The following SRBD1 variants were observed in gnomAD, a reference collection of about 807,000 sequenced individuals.
SRBD1 encodes the protein S1 RNA-binding domain-containing protein 1.
A neutral mutation model predicts 115.3 loss-of-function variants in SRBD1; 88 were observed. The ratio of observed to expected loss-of-function variants is 0.76; its 90% confidence interval spans 0.64 to 0.91. The LOEUF (loss-of-function observed/expected upper bound fraction) is 0.91. Ranked by LOEUF, SRBD1 falls within the 40% of genes least tolerant of loss-of-function variation. SRBD1 has a pLI of 0.00. For synonymous variants in SRBD1, 509 were observed against 407.7 expected (o/e 1.25, Z -2.99); for missense variants, 1,385 against 1,177.4 (o/e 1.18, Z -2.58).
At chr2:45,390,207 C>T (rs1022257716) in intron 20 of SRBD1, among the ~76,000 whole-genome samples, 1 of 152,144 alleles carries the variant, frequency 6.6e-6, no homozygotes, top group Non-Finnish European at 1.5e-5. Context: ...GAATCCCAGA[C>T]CAGGTAGTAT....
chr2:45,521,316 C>CAA (rs1162110899), intron 14 of SRBD1, among the ~76,000 whole-genome samples: 1 of 148,174 alleles, frequency 6.7e-6, no homozygotes, highest in African/African-American at 2.6e-5. Flanking sequence ...CACACACACA[C>CAA]ACAAACCAAA....
chr2:45,389,589 T>C lies in SRBD1; in HGVS notation c.2709A>G (p.Lys903=). The change falls in exon 21 of 21, where the codon AAA becomes AAG. Residue 903 remains lysine (K), a synonymous_variant. Transcript: ENST00000263736. Reference sequence around the variant, plus strand: ...ATACTATGCTTCTCTTGAAATCAGGTTTATCAAAATCTGTAAGAGAAAAAA... The same window carrying C: ...ATACTATGCTTCTCTTGAAATCAGGCTTATCAAAATCTGTAAGAGAAAAAA... ...ESFDFRTDFD[K]PDFKRSIVCL... is the part of the protein sequence containing the mutation. The C allele has an allele frequency of 6.2e-7, 1 of 1,611,954 alleles. No individual in the cohort carries two copies. The highest frequency in any genetic ancestry group is 8.5e-7 in the Non-Finnish European group (1 of 1,179,088).
chr2:45,469,033 T>C lies in SRBD1; in HGVS notation c.2049+7960A>G, dbSNP rs115654959. On this transcript the variant is annotated intron_variant, in intron 16 of 20. Coordinates refer to ENST00000263736, the MANE Select transcript of SRBD1 (RefSeq NM_018079.5). ...TCCTCTTCTGTGAACTGCCTGTTCA[T>C]AGCCTTTGCCTGTTTTTCTCTGGAA... is the stretch of plus-strand genomic sequence containing the variant. Among the ~76,000 whole-genome samples, 590 of 152,324 alleles carry C rather than the reference T, an allele frequency of 3.9e-3. 11 individuals are homozygous for C. The highest frequency in any genetic ancestry group is 0.013 in the African/African-American group (555 of 41,582).
intron 9 of SRBD1, among the ~76,000 whole-genome samples, chr2:45,566,534 T>C (rs1379494337): frequency 2.0e-5 from 3 of 152,326 alleles, no homozygotes; most frequent in Non-Finnish European, 4.4e-5. Flanking sequence ...GTTGGCTGCC[T>C]AGAGCTTGAT....
At chr2:45,410,309 C>T (rs1015883227) in intron 19 of SRBD1, among the ~76,000 whole-genome samples, 1 of 152,084 alleles carries the variant, frequency 6.6e-6, no homozygotes, top group Non-Finnish European at 1.5e-5. Context: ...TGAAATGGTA[C>T]GACCAGAGGA....
At chr2:45,479,721 TAG>T (rs926413549) in intron 15 of SRBD1, among the ~76,000 whole-genome samples, 7 of 152,200 alleles carry the variant, frequency 4.6e-5, no homozygotes, top group Non-Finnish European at 8.8e-5. Flanking sequence ...CCAGAAGATC[TAG>T]TTAAGATCAT....
At position 45,599,852 on chromosome 2, in the gene SRBD1, A is replaced by T. The variant is rs1168003678; in HGVS notation, c.262-17T>A. ...AGAGCTATTCTATCAAACCACAAAG[A>T]GAACATATGAGAATTAGAAGATAAA... On this transcript the variant is annotated splice_polypyrimidine_tract_variant and intron_variant, in intron 3 of 20. Coordinates refer to ENST00000263736, the MANE Select transcript of SRBD1 (RefSeq NM_018079.5). 1.9e-6 allele frequency: 3 copies of T among 1,582,014 alleles called. No individual in the cohort carries two copies. The South Asian group carries it at 3.5e-5, about 18-fold the overall frequency.
chr2:45,418,648 CTAAGT>C (rs1472147692), intron 17 of SRBD1, 107 bp from the exon 18 acceptor site: 5 of 854,706 alleles, frequency 5.8e-6, no homozygotes, highest in Middle Eastern at 4.7e-4. Context: ...CCTCATACGG[CTAAGT>C]TAAGTTAATC....
chr2:45,605,903 CAAAA>C (rs574003489), intron 1 of SRBD1, among the ~76,000 whole-genome samples: 1 of 63,872 alleles, frequency 1.6e-5, no homozygotes, highest in Non-Finnish European at 3.2e-5. Context: ...GACTCGGTCT[CAAAA>C]AAAAAAAAAA....
intron 14 of SRBD1, among the ~76,000 whole-genome samples, chr2:45,532,508 A>G (rs1161633745): frequency 6.6e-6 from 1 of 151,738 alleles, no homozygotes; most frequent in Non-Finnish European, 1.5e-5. Context: ...AAGCACCTCT[A>G]CCCACCAATC....
intron 19 of SRBD1, among the ~76,000 whole-genome samples, chr2:45,396,800 T>C (rs559283205): frequency 2.0e-5 from 3 of 152,230 alleles, no homozygotes; most frequent in Non-Finnish European, 4.4e-5. Flanking sequence ...ATTTCCAGCA[T>C]GGAGATTTAG....
At position 45,513,421 on chromosome 2, in the gene SRBD1, GA is replaced by G. The variant is rs10658092; in HGVS notation, c.1875-25091del. On this transcript the variant is annotated intron_variant, in intron 14 of 20. Transcript: ENST00000263736. ...CCTCTTCTCCAGAATGCCCCTTAAG[GA>G]AAAAAAAAAAACAACTGACCAGTTA... Among the ~76,000 whole-genome samples the G allele has an allele frequency of 3.8e-4, 55 of 145,320 alleles. No individual in the cohort carries two copies. The East Asian group carries it at 7.0e-3, about 18-fold the overall frequency.
Position 45,399,123 on chromosome 2 carries a change from T to G in SRBD1, c.2514-5994A>C, listed in dbSNP as rs550718205. ...CAGTATTATGCAGCCTGATCACCCT[T>G]TTCCTGTGAGTATGGTTGTTTCACA... On this transcript the variant is annotated intron_variant, in intron 19 of 20. Coordinates refer to ENST00000263736, the MANE Select transcript of SRBD1 (RefSeq NM_018079.5). 2.0e-5 allele frequency among the ~76,000 whole-genome samples: 3 copies of G among 152,190 alleles called. No homozygotes were observed. The South Asian group carries it at 6.2e-4, about 32-fold the overall frequency.
At chr2:45,435,044 T>C (rs905382319) in intron 16 of SRBD1, among the ~76,000 whole-genome samples, 3 of 152,064 alleles carry the variant, frequency 2.0e-5, no homozygotes, top group Non-Finnish European at 4.4e-5. Context: ...GTCCTTGCGA[T>C]AGGTTTGCTC....
rs967739825 is a variant in SRBD1, at chr2:45,404,462, T to A, written c.2513+8652A>T. On this transcript the variant is annotated intron_variant, in intron 19 of 20. Transcript: ENST00000263736. ...TCCAATACAGTGAGTTTCCACTTCA[T>A]CCTCCACAGTGTCTCTAGTATTCAT... is the stretch of plus-strand genomic sequence containing the variant. 5.3e-5 allele frequency among the ~76,000 whole-genome samples: 8 copies of A among 152,264 alleles called. No individual in the cohort carries two copies. In the East Asian group the frequency reaches 9.6e-4, roughly 18 times the overall value.
chr2:45,407,615 C>A (rs1449971544), intron 19 of SRBD1, among the ~76,000 whole-genome samples: 1 of 151,932 alleles, frequency 6.6e-6, no homozygotes, highest in Non-Finnish European at 1.5e-5. Context: ...AAGTCATCAC[C>A]AACAAAATTC....
At chr2:45,414,665 T>TAGTGTATATAGTATGTATATACACACAC (rs1558563151) in intron 18 of SRBD1, among the ~76,000 whole-genome samples, 50 of 149,226 alleles carry the variant, frequency 3.4e-4, no homozygotes, top group Non-Finnish European at 3.8e-4. Flanking sequence ...CATACACACA[T>TAGTGTATATAGTATGTATATACACACAC]AGTGTATATA....
chr2:45,418,365 C>T lies in SRBD1; in HGVS notation c.2333G>A (p.Ser778Asn). 6.2e-7 allele frequency: 1 copy of T among 1,613,178 alleles called. No individual in the cohort carries two copies. The highest frequency in any genetic ancestry group is 8.5e-7 in the Non-Finnish European group (1 of 1,179,624). Residue 778 changes from serine (S) to asparagine (N), a missense_variant and splice_region_variant, in exon 18 of 21, where the codon AGT becomes AAT. Transcript: ENST00000263736. ...AATCAAAGTGTATACTTATACTCAC[C>T]TGCAAAACGTTCGGATATAATCCTG... ...INQDYIRTFC[S>N]QQTETSGQIQ...
rs777632471 is a variant in SRBD1, at chr2:45,579,939, G to A, written c.1008C>T (p.Ala336=). ...CCCCTGGTTTCTCAAGCAGTGCCCTGGCTGCTCCTTCTAAGCCCAACTGTC... is the reference window on the plus strand; with the variant it reads ...CCCCTGGTTTCTCAAGCAGTGCCCTAGCTGCTCCTTCTAAGCCCAACTGTC... The part of the protein sequence containing the change: ...RARQLGLEGA[A]RALLEKPGEL... The change falls in exon 7 of 21, where the codon GCC becomes GCT. Residue 336 remains alanine (A), a synonymous_variant. Coordinates refer to ENST00000263736, the MANE Select transcript of SRBD1 (RefSeq NM_018079.5). 2 of 1,609,722 alleles carry A rather than the reference G, an allele frequency of 1.2e-6. No individual in the cohort carries two copies. The highest frequency in any genetic ancestry group is 2.2e-5 in the South Asian group (2 of 90,588).
Sources: allele counts gnomAD v4.1 joint callset (sites outside exome capture counted in the v4.1 genomes callset), GRCh38; gene constraint gnomAD v4.1.1; transcripts MANE v1.5; gene names NCBI Gene and HGNC (gene_info 2026-07-23, HGNC 2026-07-21).